Variants in AUTS2 observed in about 807,000 individuals in gnomAD.
AUTS2 encodes autism susceptibility gene 2 protein.
Under a neutral mutation model 112.4 loss-of-function variants are expected in AUTS2, and 17 were observed. The ratio of observed to expected loss-of-function variants is 0.15; its 90% CI spans 0.10 to 0.23. The LOEUF (loss-of-function observed/expected upper bound fraction) is 0.23. Ranked by LOEUF, AUTS2 falls within the 10% of genes least tolerant of loss-of-function variation. AUTS2 has a pLI of 1.00. For synonymous variants in AUTS2, 751 were observed against 702.7 expected, an observed-to-expected ratio of 1.07 and a Z score of -1.09; for missense variants, 1,510 against 1,701.6, an observed-to-expected ratio of 0.89 and a Z score of 1.98.
chr7:69,926,124 A>G (rs1007876800), intron 2 of AUTS2, among the ~76,000 whole-genome samples: 1 of 152,180 alleles, frequency 6.6e-6, no homozygotes, highest in Non-Finnish European at 1.5e-5. Context: ...AGAGGAACGT[A>G]ATTTTCTTCT....
intron 5 of AUTS2, among the ~76,000 whole-genome samples, chr7:70,634,401 C>T (rs1323332186): frequency 1.3e-5 from 2 of 152,228 alleles, no homozygotes; most frequent in African/African-American, 4.8e-5. Flanking sequence ...GTGAATTCCA[C>T]TTTCCAGCGA....
intron 2 of AUTS2, among the ~76,000 whole-genome samples, chr7:70,010,432 C>T (rs970410142): frequency 6.6e-6 from 1 of 152,186 alleles, no homozygotes; most frequent in Non-Finnish European, 1.5e-5. Context: ...CAGCATAAGG[C>T]ACTACGCCTG....
At chr7:70,765,028 C>T (rs116591851) in intron 8 of AUTS2, 23 bp downstream of exon 8, 9 of 1,612,316 alleles carry the variant, frequency 5.6e-6, no homozygotes, top group Admixed American at 1.7e-5. Flanking sequence ...GGCCTGTGCT[C>T]GTGACCCCGA....
intron 1 of AUTS2, among the ~76,000 whole-genome samples, chr7:69,880,513 T>A (rs541802683): frequency 1.4e-3 from 212 of 152,296 alleles, no homozygotes; most frequent in Non-Finnish European, 2.5e-3. Context: ...CAGAGGATCA[T>A]GTGAGATGCT....
At chr7:70,548,463 T>C (rs1217446021) in intron 5 of AUTS2, among the ~76,000 whole-genome samples, 1 of 152,172 alleles carries the variant, frequency 6.6e-6, no homozygotes, top group African/African-American at 2.4e-5. Context: ...GATCATACTT[T>C]TGTTGTTATA....
chr7:69,886,112 A>C (rs1794259282), intron 1 of AUTS2, among the ~76,000 whole-genome samples: 1 of 152,210 alleles, frequency 6.6e-6, no homozygotes. Context: ...AAGGAACCTA[A>C]GAGGAGGACC....
At chr7:70,241,738 C>T (rs1812625103) in intron 4 of AUTS2, among the ~76,000 whole-genome samples, 1 of 152,176 alleles carries the variant, frequency 6.6e-6, no homozygotes, top group African/African-American at 2.4e-5. Flanking sequence ...CACATAAGGT[C>T]AGGCCTTTGT....
intron 2 of AUTS2, among the ~76,000 whole-genome samples, chr7:69,993,013 G>C (rs1037372582): frequency 1.8e-4 from 27 of 152,364 alleles, no homozygotes; most frequent in African/African-American, 6.5e-4. Flanking sequence ...ATTGGTTTAA[G>C]AGTCAGAGAG....
chr7:70,173,628 G>A (rs1390588439), intron 4 of AUTS2, among the ~76,000 whole-genome samples: 2 of 151,998 alleles, frequency 1.3e-5, no homozygotes, highest in African/African-American at 4.8e-5. Context: ...TTAAAGTTTT[G>A]TGTAAACCTT....
chr7:70,587,496 C>T (rs753379410), intron 5 of AUTS2, among the ~76,000 whole-genome samples: 3 of 152,246 alleles, frequency 2.0e-5, no homozygotes, highest in Non-Finnish European at 4.4e-5. Context: ...TCCTTGGCAA[C>T]TAGGTGACTG....
intron 1 of AUTS2, among the ~76,000 whole-genome samples, chr7:69,683,871 A>C (rs1044377111): frequency 1.3e-5 from 2 of 152,194 alleles, no homozygotes; most frequent in African/African-American, 4.8e-5. Context: ...AGATTGTGCC[A>C]CTGCACTTCA....
chr7:70,221,385 A>G lies in AUTS2; in HGVS notation c.660+86814A>G, dbSNP rs573497137. ...TCTTTTGGTGTAAAATTTATATACAATTAATCGTACCAACATTAAATGTAC... is the reference window on the plus strand; with the variant it reads ...TCTTTTGGTGTAAAATTTATATACAGTTAATCGTACCAACATTAAATGTAC... On this transcript the variant is annotated intron_variant, in intron 4 of 18. Coordinates refer to ENST00000342771, the MANE Select transcript of AUTS2 (RefSeq NM_015570.4). 3.9e-5 allele frequency among the ~76,000 whole-genome samples: 6 copies of G among 152,322 alleles called. No individual in the cohort carries two copies. The South Asian group carries it at 6.2e-4, about 16-fold the overall frequency.
At chr7:69,696,148 T>C (rs1797552770) in intron 1 of AUTS2, among the ~76,000 whole-genome samples, 1 of 152,234 alleles carries the variant, frequency 6.6e-6, no homozygotes. Context: ...AATTTAGTTT[T>C]GCAGAGCAGT....
intron 5 of AUTS2, among the ~76,000 whole-genome samples, chr7:70,549,143 A>C (rs1014510568): frequency 3.3e-5 from 5 of 152,178 alleles, no homozygotes; most frequent in African/African-American, 1.2e-4. Context: ...ATTGTGAATA[A>C]AATTTTTAAA....
At chr7:69,996,736 A>G (rs1355859265) in intron 2 of AUTS2, among the ~76,000 whole-genome samples, 1 of 152,152 alleles carries the variant, frequency 6.6e-6, no homozygotes, top group Non-Finnish European at 1.5e-5. Context: ...TGTAGTATAT[A>G]TCTTTAATAA....
chr7:69,874,651 C>T (rs1353875235), intron 1 of AUTS2, among the ~76,000 whole-genome samples: 1 of 151,604 alleles, frequency 6.6e-6, no homozygotes, highest in East Asian at 1.9e-4. Flanking sequence ...CCAGGCATTG[C>T]ATCTATTTTT....
intron 5 of AUTS2, among the ~76,000 whole-genome samples, chr7:70,541,592 A>G (rs996069346): frequency 3.3e-5 from 5 of 152,214 alleles, no homozygotes; most frequent in African/African-American, 1.2e-4. Context: ...CCAGCTTCAC[A>G]TCATATGCAA....
intron 5 of AUTS2, among the ~76,000 whole-genome samples, chr7:70,583,727 C>T (rs1473766498): frequency 6.6e-6 from 1 of 152,232 alleles, no homozygotes; most frequent in African/African-American, 2.4e-5. Flanking sequence ...ACGGCTCAGG[C>T]CTCTGCCGAG....
At chr7:70,364,375 C>G (rs556301837) in intron 4 of AUTS2, among the ~76,000 whole-genome samples, 1 of 151,500 alleles carries the variant, frequency 6.6e-6, no homozygotes, top group East Asian at 1.9e-4. Flanking sequence ...ACATCCTGGC[C>G]AACATGGTGA....
Sources: gnomAD v4.1 joint callset for allele counts (sites outside exome capture counted in the v4.1 genomes callset) on GRCh38, gnomAD v4.1.1 for gene constraint, MANE v1.5 for transcripts, NCBI Gene and HGNC (gene_info 2026-07-23, HGNC 2026-07-21) for gene names.